Variants in ESR2 observed in about 807,000 individuals in gnomAD.
ESR2 encodes the protein estrogen receptor 2.
A neutral mutation model predicts 49.6 loss-of-function variants in ESR2; 36 were observed. That is an observed-to-expected ratio of 0.73 (90% confidence interval 0.56 to 0.96). The LOEUF (loss-of-function observed/expected upper bound fraction) is 0.96. ESR2 is among the 40% of genes least tolerant of loss of function. ESR2 has a pLI of 0.00. For synonymous variants in ESR2, 320 were observed against 266.1 expected (o/e 1.20, Z -1.97); for missense variants, 714 against 693.0 (o/e 1.03, Z -0.34).
chr14:64,267,041 C>T (rs907733084), intron 4 of ESR2, among the ~76,000 whole-genome samples: 4 of 152,026 alleles, frequency 2.6e-5, no homozygotes, highest in African/African-American at 7.2e-5. Flanking sequence ...CCACCACGCC[C>T]GGCTAATTTT....
Position 64,274,564 on chromosome 14 carries a change from A to G in ESR2, c.535+5417T>C, listed in dbSNP as rs187570430. ...CTCAAAAAAACCTTCATATTTTGTC[A>G]ATCTTTTGTGTTGTTTTCTTGGTTT... On this transcript the variant is annotated intron_variant, in intron 3 of 8. Transcript: ENST00000341099. Among the ~76,000 whole-genome samples the G allele has an allele frequency of 5.2e-4, 79 of 151,952 alleles. 1 individual carries two copies. The highest frequency in any genetic ancestry group is 9.9e-4 in the Non-Finnish European group (67 of 67,946).
At chr14:64,325,761 T>C (rs2077381894) in intron 1 of ESR2, among the ~76,000 whole-genome samples, 2 of 152,216 alleles carry the variant, frequency 1.3e-5, no homozygotes, top group Non-Finnish European at 2.9e-5. Context: ...ACCTTTATGA[T>C]GATCCACTTC....
At chr14:64,308,613 C>T (rs2077142617) in intron 1 of ESR2, among the ~76,000 whole-genome samples, 2 of 151,862 alleles carry the variant, frequency 1.3e-5, no homozygotes, top group African/African-American at 2.4e-5. Context: ...GATAAATGTT[C>T]TACAGGTACT....
chr14:64,325,702 T>C (rs1319531255), intron 1 of ESR2, among the ~76,000 whole-genome samples: 1 of 152,116 alleles, frequency 6.6e-6, no homozygotes, highest in Non-Finnish European at 1.5e-5. Flanking sequence ...AACCCCTCCT[T>C]TCCTTCCTCC....
chr14:64,260,394 T>TA, intron 5 of ESR2, 55 bp downstream of exon 5: 1 of 1,474,574 alleles, frequency 6.8e-7, no homozygotes, highest in Middle Eastern at 1.8e-4. Context: ...CCCTTAAATA[T>TA]TAGCGGCCGG....
chr14:64,311,964 T>G (rs1383137523), intron 1 of ESR2, among the ~76,000 whole-genome samples: 2 of 152,212 alleles, frequency 1.3e-5, no homozygotes, highest in Non-Finnish European at 2.9e-5. Context: ...TAGGCTTTCC[T>G]TCTCTTGAGT....
intron 1 of ESR2, among the ~76,000 whole-genome samples, chr14:64,318,346 G>T (rs2077282478): frequency 6.6e-6 from 1 of 151,648 alleles, no homozygotes; most frequent in Non-Finnish European, 1.5e-5. Context: ...AGACCAGCCT[G>T]ACCAACATAG....
At chr14:64,335,081 C>G (rs1293789304) in intron 1 of ESR2, among the ~76,000 whole-genome samples, 1 of 152,016 alleles carries the variant, frequency 6.6e-6, no homozygotes, top group Non-Finnish European at 1.5e-5. Context: ...AGAGGCAAAC[C>G]CCTTACAGAG....
At chr14:64,247,138 A>T (rs189272506) in intron 7 of ESR2, among the ~76,000 whole-genome samples, 176 of 152,346 alleles carry the variant, frequency 1.2e-3, no homozygotes, top group Non-Finnish European at 1.6e-3. Flanking sequence ...GTAGAAATTG[A>T]GTGTAAGCAT....
At chr14:64,313,891 A>AG (rs1210807251) in intron 1 of ESR2, among the ~76,000 whole-genome samples, 1 of 151,278 alleles carries the variant, frequency 6.6e-6, no homozygotes, top group Non-Finnish European at 1.5e-5. Context: ...AAAAAAAAAA[A>AG]AGAAAGAAAG....
intron 3 of ESR2, among the ~76,000 whole-genome samples, chr14:64,273,072 T>G (rs1012132942): frequency 2.7e-4 from 41 of 152,278 alleles, no homozygotes; most frequent in South Asian, 6.2e-4. Flanking sequence ...GAACTTTCAC[T>G]TATTTGGTTA....
chr14:64,327,029 C>A (rs942564487), intron 1 of ESR2, among the ~76,000 whole-genome samples: 1 of 152,148 alleles, frequency 6.6e-6, no homozygotes, highest in African/African-American at 2.4e-5. Context: ...TCAATCAAAA[C>A]TTATTCTCAC....
In ESR2 at chr14:64,229,186, A is replaced by G. The variant is rs2140585270; in HGVS notation, c.*3951T>C. 1.3e-5 allele frequency among the ~76,000 whole-genome samples: 2 copies of G among 152,200 alleles called. No individual in the cohort carries two copies. The highest frequency in any genetic ancestry group is 3.9e-4 in the East Asian group (2 of 5,178). The stretch of plus-strand genomic sequence containing the variant: ...TGCTGTTGTGTAAAGGCTCATGCAG[A>G]CCCATCTAAGCTGAGGAGATGGGAT... On this transcript the variant is annotated 3_prime_UTR_variant, in exon 9 of 9. Transcript: ENST00000341099.
At chr14:64,245,511 A>C (rs1485343892) in intron 7 of ESR2, among the ~76,000 whole-genome samples, 2 of 8,840 alleles carry the variant, frequency 2.3e-4, no homozygotes, top group East Asian at 8.4e-4. Flanking sequence ...GACTCTGTCA[A>C]AAAAAAAAAA....
At chr14:64,291,330 CAA>C (rs2076867165) in intron 1 of ESR2, among the ~76,000 whole-genome samples, 1 of 152,194 alleles carries the variant, frequency 6.6e-6, no homozygotes, top group Non-Finnish European at 1.5e-5. Context: ...TACACCCACA[CAA>C]AGATTCTCCA....
rs539389612 is a variant in ESR2 at position 64,260,490 on chromosome 14, T to G, written c.911A>C (p.Lys304Thr). ...CCAGCTGATCATGTGTACCAACTCC[T>G]TGTCGGCCAACTTGGTCAGGGACAT... ...MMMSLTKLAD[K>T]ELVHMISWAK... Residue 304 changes from lysine (K) to threonine (T), a missense_variant, in exon 5 of 9, where the codon AAG becomes ACG. Physicochemically the swap from Lys to Thr is moderately conservative, Grantham distance 78. Coordinates refer to ENST00000341099, the MANE Select transcript of ESR2 (RefSeq NM_001437.3). 6.5e-7 allele frequency: 1 copy of G among 1,531,340 alleles called. No individual in the cohort carries two copies. Among genetic ancestry groups the G allele is most frequent in the African/African-American group, 1.4e-5 (1 of 72,304 alleles). The allele number at this position is 1,531,340 out of a possible 1,614,324, so 94.9% of individuals were successfully genotyped here. A position where few individuals can be genotyped will look rare whatever the true frequency, so the allele number is the denominator to read the frequency against.
chr14:64,309,607 C>CAAAAAAAAAAAAAGAA (rs545143689), intron 1 of ESR2, among the ~76,000 whole-genome samples: 1 of 125,904 alleles, frequency 7.9e-6, no homozygotes, highest in Non-Finnish European at 1.6e-5. Flanking sequence ...AACTCCATCT[C>CAAAAAAAAAAAAAGAA]AAAAAAAAAA....
chr14:64,269,574 C>T (rs1219505291), intron 3 of ESR2, among the ~76,000 whole-genome samples: 3 of 152,196 alleles, frequency 2.0e-5, no homozygotes, highest in African/African-American at 7.2e-5. Flanking sequence ...AGATGTGCTG[C>T]TCCAACAGTT....
At chr14:64,267,708 C>G (rs2076359702) in intron 4 of ESR2, among the ~76,000 whole-genome samples, 1 of 149,090 alleles carries the variant, frequency 6.7e-6, no homozygotes. Context: ...AACCCCATCT[C>G]TACTAAAAAT....
Sources: allele counts gnomAD v4.1 joint callset (sites outside exome capture counted in the v4.1 genomes callset), GRCh38; gene constraint gnomAD v4.1.1; transcripts MANE v1.5; gene names NCBI Gene and HGNC (gene_info 2026-07-23, HGNC 2026-07-21).